The following RALYL variants were observed in gnomAD, a reference collection of about 807,000 sequenced individuals.
The protein encoded by RALYL is RNA-binding Raly-like protein.
In RALYL, 29 loss-of-function variants were observed where a neutral mutation model predicts 35.1. The ratio of observed to expected loss-of-function variants is 0.83; its 90% CI spans 0.61 to 1.13. The LOEUF is 1.13. Among genes scored for constraint, RALYL ranks in the 50% most tolerant of loss-of-function variants. The pLI, the probability that RALYL is intolerant of heterozygous loss-of-function variation, is 0.00. For synonymous variants in RALYL, 120 were observed against 127.6 expected (o/e 0.94, Z 0.40); for missense variants, 359 against 360.4 (o/e 1.00, Z 0.03).
intron 1 of RALYL, among the ~76,000 whole-genome samples, chr8:84,437,716 T>A (rs901757207): frequency 6.6e-5 from 10 of 152,116 alleles, no homozygotes; most frequent in African/African-American, 2.4e-4. Context: ...GATAGATCCC[T>A]GATGATTTGG....
intron 1 of RALYL, among the ~76,000 whole-genome samples, chr8:84,423,931 ATGGGCT>A (rs1162021756): frequency 3.3e-5 from 5 of 151,612 alleles, no homozygotes; most frequent in African/African-American, 1.2e-4. Context: ...TGTTAGTCTG[ATGGGCT>A]TCCCTTTGAG....
intron 1 of RALYL, among the ~76,000 whole-genome samples, chr8:84,198,977 T>A (rs766962276): frequency 1.3e-5 from 2 of 152,222 alleles, no homozygotes; most frequent in Non-Finnish European, 2.9e-5. Flanking sequence ...ATCTCTTTGA[T>A]ATACTAATCT....
rs1563539376 is a variant in RALYL at position 84,759,462 on chromosome 8, T to C, written c.257-15117T>C. Among the ~76,000 whole-genome samples, 3 of 152,288 alleles carry C rather than the reference T, an allele frequency of 2.0e-5. No homozygotes were observed. In the East Asian group the frequency reaches 5.8e-4, roughly 29 times the overall value. On this transcript the variant is annotated intron_variant, in intron 2 of 8. Transcript: ENST00000521268. ...GGTAACAAACTGCCTGCACTAGTTA[T>C]TCAGTATCCAAAAGAGATCAACATC...
intron 2 of RALYL, among the ~76,000 whole-genome samples, chr8:84,562,224 T>C (rs978363044): frequency 6.6e-6 from 1 of 151,962 alleles, no homozygotes; most frequent in African/African-American, 2.4e-5. Context: ...CCCTGACTGA[T>C]ATTTATTTTA....
chr8:84,365,060 C>T (rs1402842434), intron 1 of RALYL, among the ~76,000 whole-genome samples: 2 of 152,008 alleles, frequency 1.3e-5, no homozygotes, highest in Admixed American at 6.6e-5. Flanking sequence ...ACAACTGGTA[C>T]ATGGTTGGTT....
chr8:84,271,361 A>G (rs1834278598), intron 1 of RALYL, among the ~76,000 whole-genome samples: 1 of 151,676 alleles, frequency 6.6e-6, no homozygotes, highest in Non-Finnish European at 1.5e-5. Context: ...AAACCCATGA[A>G]AATTGCTAAA....
At chr8:84,670,489 A>T (rs576842907) in intron 2 of RALYL, among the ~76,000 whole-genome samples, 1 of 152,360 alleles carries the variant, frequency 6.6e-6, no homozygotes, top group South Asian at 2.1e-4. Flanking sequence ...ACTTCTTCAC[A>T]TGGCTATGAA....
chr8:84,679,093 A>G, intron 2 of RALYL: 1 of 241,436 alleles, frequency 4.1e-6, no homozygotes, highest in Non-Finnish European at 8.5e-6. Flanking sequence ...TGCAAGGTGT[A>G]GAAAGATAGT....
intron 2 of RALYL, among the ~76,000 whole-genome samples, chr8:84,737,178 C>T (rs148758784): frequency 0.018 from 2,748 of 152,142 alleles, 87 homozygotes; most frequent in Non-Finnish European, 0.023. Context: ...AATCACCACA[C>T]TTTTATGCAG....
chr8:84,290,696 C>G (rs970955695), intron 1 of RALYL, among the ~76,000 whole-genome samples: 6 of 152,142 alleles, frequency 3.9e-5, no homozygotes, highest in Non-Finnish European at 5.9e-5. Flanking sequence ...GCCATCTGGG[C>G]GTATACCTGC....
chr8:84,194,392 G>T (rs1337099302), intron 1 of RALYL, among the ~76,000 whole-genome samples: 2 of 151,484 alleles, frequency 1.3e-5, no homozygotes, highest in Admixed American at 1.3e-4. Flanking sequence ...TCCTTTCTTT[G>T]GAACATTTTG....
intron 2 of RALYL, among the ~76,000 whole-genome samples, chr8:84,591,953 T>A (rs1036923186): frequency 6.6e-6 from 1 of 152,204 alleles, no homozygotes; most frequent in Non-Finnish European, 1.5e-5. Context: ...GATTCCATCT[T>A]CACCATAGCT....
At chr8:84,825,275 CA>C (rs1387272771) in intron 4 of RALYL, among the ~76,000 whole-genome samples, 1 of 151,968 alleles carries the variant, frequency 6.6e-6, no homozygotes, top group African/African-American at 2.4e-5. Flanking sequence ...CAGAGAAATG[CA>C]GATCAAAACC....
chr8:84,584,186 T>G (rs79710740), intron 2 of RALYL, among the ~76,000 whole-genome samples: 2,611 of 152,276 alleles, frequency 0.017, 88 homozygotes, highest in African/African-American at 0.059. Flanking sequence ...TATCAAATAC[T>G]AGTGGACATA....
chr8:84,857,788 A>T (rs79527296), intron 5 of RALYL, among the ~76,000 whole-genome samples: 1,659 of 152,334 alleles, frequency 0.011, 42 homozygotes, highest in African/African-American at 0.038. Flanking sequence ...GATGCTTATA[A>T]AAACAGATTA....
At chr8:84,772,426 T>A (rs1815771909) in intron 2 of RALYL, among the ~76,000 whole-genome samples, 1 of 152,110 alleles carries the variant, frequency 6.6e-6, no homozygotes, top group South Asian at 2.1e-4. Context: ...TTACATGGAA[T>A]CCATAATTAT....
intron 2 of RALYL, among the ~76,000 whole-genome samples, chr8:84,689,320 T>C (rs1461943801): frequency 1.3e-5 from 2 of 152,082 alleles, no homozygotes; most frequent in East Asian, 3.9e-4. Context: ...TGAGTAAGAA[T>C]ATGCGGTGTT....
intron 1 of RALYL, among the ~76,000 whole-genome samples, chr8:84,319,896 A>C (rs932460492): frequency 2.6e-5 from 4 of 152,084 alleles, no homozygotes. Flanking sequence ...GGTAATTTGT[A>C]AGACAGAATT....
At chr8:84,706,709 C>A (rs765880568) in intron 2 of RALYL, among the ~76,000 whole-genome samples, 8 of 152,054 alleles carry the variant, frequency 5.3e-5, no homozygotes, top group Non-Finnish European at 1.0e-4. Flanking sequence ...AAGTCCAGAA[C>A]AAAGATTATT....
Sources: gnomAD v4.1 joint callset for allele counts (sites outside exome capture counted in the v4.1 genomes callset) on GRCh38, gnomAD v4.1.1 for gene constraint, MANE v1.5 for transcripts, NCBI Gene and HGNC (gene_info 2026-07-23, HGNC 2026-07-21) for gene names.